The following FARP2 variants were observed in gnomAD, a reference collection of about 807,000 sequenced individuals.
The protein encoded by FARP2 is FERM, ARHGEF and pleckstrin domain-containing protein 2.
FARP2 carries 111 observed loss-of-function variants against 130.5 expected under a neutral mutation model. That is an observed-to-expected ratio of 0.85 (90% CI 0.73 to 1.00). FARP2 has a LOEUF of 1.00. FARP2 is among the 50% of genes least tolerant of loss of function. FARP2 has a pLI of 0.00. For synonymous variants in FARP2, 504 were observed against 516.9 expected, an observed-to-expected ratio of 0.98 and a Z score of 0.34; for missense variants, 1,385 against 1,346.3, an observed-to-expected ratio of 1.03 and a Z score of -0.45.
intron 4 of FARP2, 140 bp downstream of exon 4, chr2:241,404,981 G>A (rs753088614): frequency 1.0e-5 from 6 of 579,002 alleles, no homozygotes; most frequent in Non-Finnish European, 1.8e-5. Context: ...GACAAACTTG[G>A]AAGTCATTTT....
chr2:241,416,848 G>C (rs1195125608), intron 7 of FARP2, among the ~76,000 whole-genome samples: 1 of 152,170 alleles, frequency 6.6e-6, no homozygotes, highest in Non-Finnish European at 1.5e-5. Flanking sequence ...GGCAGAGCTT[G>C]CAGTGAGCCA....
chr2:241,416,315 A>G (rs1427462273), intron 7 of FARP2, among the ~76,000 whole-genome samples: 1 of 152,094 alleles, frequency 6.6e-6, no homozygotes. Context: ...TCATACGGGA[A>G]TACAGTTGAA....
intron 18 of FARP2, among the ~76,000 whole-genome samples, chr2:241,471,639 G>C (rs570554135): frequency 6.6e-6 from 1 of 151,780 alleles, no homozygotes; most frequent in South Asian, 2.1e-4. Context: ...GACGACAGGC[G>C]CCCGACACCA....
Position 241,463,413 on chromosome 2 carries a change from A to G in FARP2, c.1756A>G (p.Ile586Val), listed in dbSNP as rs1053922796. 1.8e-5 allele frequency: 29 copies of G among 1,614,088 alleles called. No homozygotes were observed. Among genetic ancestry groups the G allele is most frequent in the Non-Finnish European group, 1.7e-6 (2 of 1,180,014 alleles). ...MTLLFSNIDP[I>V]YEFHRGFLRE... ...GCTGCTCTTCTCCAACATCGATCCC[A>G]TCTATGAGTTCCACAGAGGCTTCCT... The change falls in exon 16 of 27, where the codon ATC (isoleucine) becomes GTC (valine). Residue 586 changes from isoleucine to valine, a missense_variant. Physicochemically the swap from Ile to Val is conservative, Grantham distance 29 (BLOSUM62 3). Transcript: ENST00000264042.
intron 14 of FARP2, 117 bp downstream of exon 14, chr2:241,457,039 C>T: frequency 2.2e-6 from 2 of 897,424 alleles, no homozygotes; most frequent in South Asian, 4.0e-5. Flanking sequence ...GCTCTGCACT[C>T]ACAGCCGCCT....
chr2:241,471,927 G>GAACCCT (rs2064326058), intron 18 of FARP2, among the ~76,000 whole-genome samples: 2 of 151,964 alleles, frequency 1.3e-5, no homozygotes, highest in Non-Finnish European at 2.9e-5. Flanking sequence ...TGTTCTGAGG[G>GAACCCT]GATTATGTTC....
intron 6 of FARP2, among the ~76,000 whole-genome samples, chr2:241,412,109 G>A (rs995313550): frequency 5.9e-5 from 9 of 152,162 alleles, no homozygotes; most frequent in Non-Finnish European, 1.0e-4. Flanking sequence ...TTCCTGATCT[G>A]GGTAGTTTTA....
chr2:241,466,668 G>A (rs924033033), intron 17 of FARP2: 8 of 814,528 alleles, frequency 9.8e-6, no homozygotes, highest in South Asian at 6.1e-5. Context: ...GGCCAGCCCC[G>A]CCTTCACTCC....
chr2:241,465,956 G>T (rs879569401), intron 17 of FARP2: 3 of 1,414,048 alleles, frequency 2.1e-6, no homozygotes, highest in Non-Finnish European at 2.8e-6. Context: ...GGTTGTTAAT[G>T]AGAAAGTTCT....
chr2:241,404,390 C>T (rs56018707), intron 3 of FARP2, among the ~76,000 whole-genome samples: 6 of 152,302 alleles, frequency 3.9e-5, no homozygotes, highest in Non-Finnish European at 7.4e-5. Context: ...CTTGGCAGTG[C>T]GACCAGATTT....
chr2:241,474,897 C>G (rs2064418118), intron 18 of FARP2, among the ~76,000 whole-genome samples: 1 of 152,048 alleles, frequency 6.6e-6, no homozygotes, highest in South Asian at 2.1e-4. Context: ...GATGCAGACC[C>G]TGTGCTCCAG....
At position 241,373,138 on chromosome 2, in the gene FARP2, C is replaced by G; in HGVS notation, c.31C>G (p.Leu11Val). The G allele has an allele frequency of 6.7e-7, 1 of 1,502,810 alleles. No homozygotes were observed. Among genetic ancestry groups the G allele is most frequent in the Non-Finnish European group, 9.0e-7 (1 of 1,114,066 alleles). 93.1% of individuals were successfully genotyped at this position (1,502,810 alleles called of 1,614,324 possible). A position where few individuals can be genotyped will look rare whatever the true frequency, so the allele number is the denominator to read the frequency against. Residue 11 changes from leucine to valine, a missense_variant, in exon 2 of 27, where the codon CTG becomes GTG. Coordinates refer to ENST00000264042, the MANE Select transcript of FARP2 (RefSeq NM_014808.4). Reference sequence around the variant, plus strand: ...GGAGATAGAAGGAACATACAGAGTCCTGCAGACTGCAGGGATGCGCTTGGG... The same window carrying G: ...GGAGATAGAAGGAACATACAGAGTCGTGCAGACTGCAGGGATGCGCTTGGG... MGEIEGTYRV[L>V]QTAGMRLGAQ...
intron 2 of FARP2, among the ~76,000 whole-genome samples, chr2:241,391,852 G>A (rs533482815): frequency 2.0e-5 from 3 of 152,216 alleles, no homozygotes; most frequent in East Asian, 3.9e-4. Context: ...CCATTGAATC[G>A]TTCAAGGGCC....
At chr2:241,428,894 G>A (rs2063024743) in intron 8 of FARP2, among the ~76,000 whole-genome samples, 1 of 152,124 alleles carries the variant, frequency 6.6e-6, no homozygotes, top group Non-Finnish European at 1.5e-5. Context: ...CATATAAGTG[G>A]GATCATACAA....
rs753311872 is a variant in FARP2 at position 241,489,989 on chromosome 2, G to T, written c.2449G>T (p.Val817Phe). 5 of 1,613,802 alleles carry T rather than the reference G, an allele frequency of 3.1e-6. No homozygotes were observed. The highest frequency in any genetic ancestry group is 3.4e-6 in the Non-Finnish European group (4 of 1,179,804). Residue 817 changes from valine to phenylalanine, a missense_variant, in exon 22 of 27, where the codon GTT becomes TTT. Physicochemically the swap from Val to Phe is conservative, Grantham distance 50 (BLOSUM62 -1). Coordinates refer to ENST00000264042, the MANE Select transcript of FARP2 (RefSeq NM_014808.4). ...GGAAGAAAGTGATAACGAGTGGTCTGTTCCACACTGTTTCACCATCTACGC... is the reference window on the plus strand; with the variant it reads ...GGAAGAAAGTGATAACGAGTGGTCTTTTCCACACTGTTTCACCATCTACGC... Reference protein sequence around the residue: ...LVEESDNEWSVPHCFTIYAAQ... With the variant: ...LVEESDNEWSFPHCFTIYAAQ...
chr2:241,412,880 T>C (rs940314857), intron 6 of FARP2, among the ~76,000 whole-genome samples: 1 of 152,076 alleles, frequency 6.6e-6, no homozygotes, highest in African/African-American at 2.4e-5. Context: ...ATACAAAAAT[T>C]AGCTGGGCAT....
intron 1 of FARP2, among the ~76,000 whole-genome samples, chr2:241,363,185 G>C (rs1228872923): frequency 6.6e-6 from 1 of 152,248 alleles, no homozygotes; most frequent in Non-Finnish European, 1.5e-5. Context: ...AGTATGAACA[G>C]GGAGAGCTAC....
intron 2 of FARP2, among the ~76,000 whole-genome samples, chr2:241,377,962 A>G (rs1020177570): frequency 6.6e-6 from 1 of 152,164 alleles, no homozygotes; most frequent in Non-Finnish European, 1.5e-5. Flanking sequence ...GCCATTTTGC[A>G]TTCCTGCCAG....
At chr2:241,424,828 C>T (rs2062892010) in intron 8 of FARP2, among the ~76,000 whole-genome samples, 1 of 152,156 alleles carries the variant, frequency 6.6e-6, no homozygotes, top group Non-Finnish European at 1.5e-5. Flanking sequence ...CACCTCTATG[C>T]ACATAAAGTG....
Sources: gnomAD v4.1 joint callset for allele counts (sites outside exome capture counted in the v4.1 genomes callset) on GRCh38, gnomAD v4.1.1 for gene constraint, MANE v1.5 for transcripts, NCBI Gene and HGNC (gene_info 2026-07-23, HGNC 2026-07-21) for gene names.